Variants in NDUFB11 observed in about 807,000 individuals in gnomAD.
NDUFB11 encodes NADH:ubiquinone oxidoreductase subunit B11.
For synonymous variants in NDUFB11, 51 were observed against 57.4 expected, an observed-to-expected ratio of 0.89 and a Z score of 0.51; for missense variants, 108 against 133.8, an observed-to-expected ratio of 0.81 and a Z score of 0.95.
chrX:47,143,143 A>G (rs1328287772), intron 1 of NDUFB11, among the ~76,000 whole-genome samples: 2 of 112,107 alleles, frequency 1.8e-5, no homozygotes, highest in Non-Finnish European at 3.8e-5. Context: ...TTCTCTATCC[A>G]CTTATCTTGC....
At chrX:47,145,340 C>T, upstream of NDUFB11, 2 of 883,969 alleles carry the variant, frequency 2.3e-6, no homozygotes, top group Non-Finnish European at 3.2e-6. Context: ...GCGCGCTTGG[C>T]GCTTCTCCCC....
rs1356386053 is a variant in NDUFB11 at position 47,144,604 on chromosome X, G to C, written c.76C>G (p.Arg26Gly). Reference protein sequence around the residue: ...AAATRGLPAARVRWESSFSRT... With the variant: ...AAATRGLPAAGVRWESSFSRT... ...GAGAAGCTAGATTCCCAGCGGACGCGGGCGGCCGGGAGCCCTCGCGTCGCC... is the reference window on the plus strand; with the variant it reads ...GAGAAGCTAGATTCCCAGCGGACGCCGGCGGCCGGGAGCCCTCGCGTCGCC... The change falls in exon 1 of 3, where the codon CGC (arginine) becomes GGC (glycine). Residue 26 changes from arginine (R) to glycine (G), a missense_variant. Arg to Gly is a moderately radical substitution (Grantham distance 125). Coordinates refer to ENST00000377811, the MANE Select transcript of NDUFB11 (RefSeq NM_001135998.3). 2 of 1,197,350 alleles carry C rather than the reference G, an allele frequency of 1.7e-6. No homozygotes were observed. The highest frequency in any genetic ancestry group is 2.2e-6 in the Non-Finnish European group (2 of 889,861).
chrX:47,144,445 T>TGGGGGGGGGG, intron 1 of NDUFB11, 28 bp downstream of exon 1: 1 of 61,005 alleles, frequency 1.6e-5, no homozygotes, highest in Non-Finnish European at 2.6e-5. Flanking sequence ...CCGTCCCCAC[T>TGGGGGGGGGG]ACCCCCCCCC....
chrX:47,142,353 G>A lies in NDUFB11; in HGVS notation c.426C>T (p.Phe142=), dbSNP rs782006527. 47 of 1,209,074 alleles carry A rather than the reference G, an allele frequency of 3.9e-5. No homozygotes were observed. Among genetic ancestry groups the A allele is most frequent in the Admixed American group, 1.1e-4 (5 of 45,663 alleles). ...CTGGCAGCTGGATCTTGCTGGGGTC[G>A]AAGCAGTTGGATTCCATGATGGGAA... The part of the protein sequence containing the change: ...NGLPIMESNC[F]DPSKIQLPED... The change falls in exon 3 of 3, where the codon TTC becomes TTT. Residue 142 remains phenylalanine, a synonymous_variant. Coordinates refer to ENST00000377811, the MANE Select transcript of NDUFB11 (RefSeq NM_001135998.3).
chrX:47,142,893 CA>C, intron 1 of NDUFB11, 149 bp from the exon 2 acceptor site: 4 of 610,019 alleles, frequency 6.6e-6, no homozygotes, highest in Non-Finnish European at 9.8e-6. Context: ...ACTGCAGGGC[CA>C]CTGCACTTGC....
At chrX:47,143,028 A>G (rs1931825254) in intron 1 of NDUFB11, among the ~76,000 whole-genome samples, 1 of 112,035 alleles carries the variant, frequency 8.9e-6, no homozygotes, top group Non-Finnish European at 1.9e-5. Flanking sequence ...CTTGTCTTTC[A>G]AAGTTGAAGC....
In NDUFB11 at chrX:47,142,640, G is replaced by C; in HGVS notation, c.312C>G (p.Thr104=). ...GVSIILVLGS[T]FVAYLPDYRM... ...TGTAGTCAGGCAGATAGGCCACAAA[G>C]GTGCTGCCAAGGACCAGGATGATGG... Residue 104 remains threonine (T), a synonymous_variant, in exon 2 of 3, where the codon ACC becomes ACG. Transcript: ENST00000377811. 5.0e-6 allele frequency: 6 copies of C among 1,212,019 alleles called. No individual in the cohort carries two copies. Among genetic ancestry groups the C allele is most frequent in the Non-Finnish European group, 6.7e-6 (6 of 895,592 alleles).
intron 2 of NDUFB11, 87 bp from the exon 3 acceptor site, chrX:47,142,527 G>A: frequency 1.7e-6 from 2 of 1,203,579 alleles, no homozygotes; most frequent in Non-Finnish European, 2.2e-6. Context: ...CAATGGTGCA[G>A]GAACAAAACT....
intron 1 of NDUFB11, 48 bp from the exon 2 acceptor site, chrX:47,142,792 C>T: frequency 8.6e-7 from 1 of 1,162,730 alleles, no homozygotes; most frequent in Non-Finnish European, 1.2e-6. Context: ...CTCCACAAAG[C>T]CTTATTCTGG....
upstream of NDUFB11, chrX:47,145,462 T>C (rs5952419): frequency 0.016 from 18,141 of 1,150,321 alleles, 1,800 homozygotes; most frequent in African/African-American, 0.29. Context: ...TGGGAGCCCT[T>C]CCTTGACAGC....
intron 1 of NDUFB11, among the ~76,000 whole-genome samples, chrX:47,143,662 C>T (rs1556760853): frequency 8.9e-6 from 1 of 111,856 alleles, no homozygotes; most frequent in Non-Finnish European, 1.9e-5. Flanking sequence ...GGTGGGGTGT[C>T]CTATTTTTTA....
At position 47,142,830 on chromosome X, in the gene NDUFB11, C is replaced by A. The variant is rs898018222; in HGVS notation, c.208-86G>T. Reference sequence around the variant, plus strand: ...CTGCATAACTTGGTCTCCATGTGCCCCTCTCACTAAATTCCTCTGTTTCCA... The same window carrying A: ...CTGCATAACTTGGTCTCCATGTGCCACTCTCACTAAATTCCTCTGTTTCCA... On this transcript the variant is annotated intron_variant, in intron 1 of 2. Coordinates refer to ENST00000377811, the MANE Select transcript of NDUFB11 (RefSeq NM_001135998.3). 6.7e-5 allele frequency: 68 copies of A among 1,010,022 alleles called. No individual in the cohort carries two copies. In the African/African-American group the frequency reaches 1.3e-3, roughly 19 times the overall value. 83.2% of individuals were successfully genotyped at this position (1,010,022 alleles called of 1,213,427 possible).
intron 1 of NDUFB11, 28 bp downstream of exon 1, chrX:47,144,445 T>TTCCCCCCCCCCCC (rs1569162233): frequency 3.3e-5 from 2 of 61,254 alleles, no homozygotes; most frequent in Non-Finnish European, 2.6e-5. Flanking sequence ...CCGTCCCCAC[T>TTCCCCCCCCCCCC]ACCCCCCCCC....
In NDUFB11 at chrX:47,142,251, AAG is replaced by A. The variant is rs1556760560; in HGVS notation, c.*64_*65del. Reference sequence around the variant, plus strand: ...AGCCCCTTTAATTAGGTGCTCTGAGAAGAGGTCAGAATGGCAGGCAGGGGGTG... The same window carrying A: ...AGCCCCTTTAATTAGGTGCTCTGAGAAGGTCAGAATGGCAGGCAGGGGGTG... On this transcript the variant is annotated 3_prime_UTR_variant, in exon 3 of 3. Coordinates refer to ENST00000377811, the MANE Select transcript of NDUFB11 (RefSeq NM_001135998.3). The A allele has an allele frequency of 9.5e-6, 11 of 1,162,738 alleles. No homozygotes were observed. Among genetic ancestry groups the A allele is most frequent in the Non-Finnish European group, 3.4e-6 (3 of 873,043 alleles).
Position 47,144,648 on chromosome X carries a change from C to T in NDUFB11, c.32G>A (p.Arg11His). Residue 11 changes from arginine (R) to histidine (H), a missense_variant, in exon 1 of 3, where the codon CGC (arginine) becomes CAC (histidine). Coordinates refer to ENST00000377811, the MANE Select transcript of NDUFB11 (RefSeq NM_001135998.3). MAAGLFGLSARRLLAAAATRG... is the reference protein window; with the variant it reads MAAGLFGLSAHRLLAAAATRG... The stretch of plus-strand genomic sequence containing the variant: ...CGTCGCCGCTGCCGCCAAAAGACGG[C>T]GAGCGCTCAAACCAAACAGCCCAGC... 8.5e-7 allele frequency: 1 copy of T among 1,176,489 alleles called. No homozygotes were observed. The highest frequency in any genetic ancestry group is 1.1e-6 in the Non-Finnish European group (1 of 878,700).
At chrX:47,144,414 C>T in intron 1 of NDUFB11, 59 bp downstream of exon 1, 2 of 836,599 alleles carry the variant, frequency 2.4e-6, no homozygotes, top group Non-Finnish European at 3.2e-6. Context: ...CTGCCGATCC[C>T]GGACTGACCC....
intron 1 of NDUFB11, among the ~76,000 whole-genome samples, chrX:47,143,809 A>G (rs192948361): frequency 5.3e-5 from 6 of 112,194 alleles, no homozygotes; most frequent in African/African-American, 1.9e-4. Context: ...ACAGCACAGC[A>G]GACCTGGTAG....
chrX:47,145,305 G>A, upstream of NDUFB11: 1 of 644,742 alleles, frequency 1.6e-6, no homozygotes, highest in Non-Finnish European at 2.4e-6. Context: ...GGGAGTAGGC[G>A]GCAGTGAGTT....
At chrX:47,144,442 C>CCCA in intron 1 of NDUFB11, 31 bp downstream of exon 1, 5 of 375,758 alleles carry the variant, frequency 1.3e-5, no homozygotes, top group Admixed American at 6.8e-5. Context: ...GTTCCGTCCC[C>CCCA]ACTACCCCCC....
Sources: gnomAD v4.1 joint callset for allele counts (sites outside exome capture counted in the v4.1 genomes callset) on GRCh38, gnomAD v4.1.1 for gene constraint, MANE v1.5 for transcripts, NCBI Gene and HGNC (gene_info 2026-07-23, HGNC 2026-07-21) for gene names.